The following CNTN5 variants were observed in gnomAD, a reference collection of about 807,000 sequenced individuals.
CNTN5 encodes the protein contactin 5.
Under a neutral mutation model 129.1 loss-of-function variants are expected in CNTN5, and 77 were observed. That is an observed-to-expected ratio of 0.60 (90% confidence interval 0.50 to 0.72). The LOEUF (loss-of-function observed/expected upper bound fraction) is 0.72. CNTN5 is among the 30% of genes least tolerant of loss of function. The pLI, the probability that CNTN5 is intolerant of heterozygous loss-of-function variation, is 0.00. For synonymous variants in CNTN5, 509 were observed against 465.6 expected (o/e 1.09, Z -1.20); for missense variants, 1,478 against 1,328.8 (o/e 1.11, Z -1.75).
At chr11:100,159,339 G>T (rs1947362163) in intron 13 of CNTN5, among the ~76,000 whole-genome samples, 1 of 151,732 alleles carries the variant, frequency 6.6e-6, no homozygotes, top group Admixed American at 6.6e-5. Flanking sequence ...CATTATTTCT[G>T]CACTCTTCTT....
chr11:99,765,716 T>C (rs889313494), intron 3 of CNTN5, among the ~76,000 whole-genome samples: 2 of 151,498 alleles, frequency 1.3e-5, no homozygotes, highest in Admixed American at 1.3e-4. Flanking sequence ...TAGAAGAGTC[T>C]ACACCTTTTT....
intron 1 of CNTN5, among the ~76,000 whole-genome samples, chr11:99,282,924 A>T (rs1003964406): frequency 6.6e-6 from 1 of 152,104 alleles, no homozygotes. Flanking sequence ...GACATCCCCA[A>T]TCAAATGGAA....
At chr11:99,848,463 T>C (rs1436006585) in intron 6 of CNTN5, among the ~76,000 whole-genome samples, 1 of 152,144 alleles carries the variant, frequency 6.6e-6, no homozygotes, top group Non-Finnish European at 1.5e-5. Context: ...TATTTCAAAA[T>C]TAATATATTT....
chr11:100,145,289 G>C (rs939589711), intron 13 of CNTN5, among the ~76,000 whole-genome samples: 7 of 152,188 alleles, frequency 4.6e-5, no homozygotes, highest in African/African-American at 1.7e-4. Context: ...GCATACAGCT[G>C]GTTTCTTCCA....
chr11:99,839,862 G>A (rs1182990954), intron 4 of CNTN5, among the ~76,000 whole-genome samples: 2 of 151,970 alleles, frequency 1.3e-5, no homozygotes, highest in Non-Finnish European at 2.9e-5. Flanking sequence ...TTTATGGAGA[G>A]AACTTTTTTT....
At chr11:99,848,252 C>T (rs1947764802) in intron 6 of CNTN5, among the ~76,000 whole-genome samples, 1 of 151,976 alleles carries the variant, frequency 6.6e-6, no homozygotes, top group African/African-American at 2.4e-5. Context: ...GGCAACTTTC[C>T]TTTACATTGA....
intron 1 of CNTN5, among the ~76,000 whole-genome samples, chr11:99,152,577 G>A (rs892531014): frequency 6.6e-6 from 1 of 152,152 alleles, no homozygotes; most frequent in South Asian, 2.1e-4. Context: ...GCATACCACT[G>A]AGTTTTACTA....
intron 19 of CNTN5, 54 bp downstream of exon 19, chr11:100,297,749 G>A (rs1041394461): frequency 2.3e-6 from 3 of 1,313,726 alleles, no homozygotes; most frequent in Non-Finnish European, 3.2e-6. Flanking sequence ...TTGGCTTAGT[G>A]TGATATTTAA....
chr11:100,109,085 A>T (rs1308482258), intron 13 of CNTN5, among the ~76,000 whole-genome samples: 1 of 152,108 alleles, frequency 6.6e-6, no homozygotes, highest in African/African-American at 2.4e-5. Flanking sequence ...AAGGAAAGCA[A>T]ACCATAAAAT....
chr11:99,632,020 A>G lies in CNTN5; in HGVS notation c.55+75751A>G, dbSNP rs149411316. Among the ~76,000 whole-genome samples, 121 of 152,274 alleles carry G rather than the reference A, an allele frequency of 7.9e-4. 1 individual carries two copies. The highest frequency in any genetic ancestry group is 2.9e-3 in the African/African-American group (120 of 41,570). On this transcript the variant is annotated intron_variant, in intron 3 of 24. Coordinates refer to ENST00000524871, the MANE Select transcript of CNTN5 (RefSeq NM_014361.4). ...TTAAACTTTATCATAGGAAGAACAT[A>G]TGTATAGGAAGAAACATAGTAATAT...
intron 9 of CNTN5, among the ~76,000 whole-genome samples, chr11:100,037,404 A>T (rs565468315): frequency 3.3e-5 from 5 of 152,124 alleles, no homozygotes; most frequent in African/African-American, 9.6e-5. Flanking sequence ...ATCAATGTTC[A>T]TCAAGGATAT....
chr11:99,822,113 GA>G (rs913992927), intron 4 of CNTN5, among the ~76,000 whole-genome samples: 3 of 152,124 alleles, frequency 2.0e-5, no homozygotes, highest in Admixed American at 1.3e-4. Flanking sequence ...TACGAAAAAT[GA>G]GAAAAGTAAC....
chr11:99,328,197 T>C (rs1180510044), intron 2 of CNTN5, among the ~76,000 whole-genome samples: 1 of 152,182 alleles, frequency 6.6e-6, no homozygotes, highest in Non-Finnish European at 1.5e-5. Context: ...AAATTAACAG[T>C]GCTACTACTT....
intron 2 of CNTN5, among the ~76,000 whole-genome samples, chr11:99,483,755 G>A (rs999849076): frequency 3.9e-5 from 6 of 152,078 alleles, no homozygotes; most frequent in Non-Finnish European, 8.8e-5. Context: ...TAGTATAGAA[G>A]CATAAAAGGT....
At chr11:99,957,105 AAAT>A (rs1424731168) in intron 8 of CNTN5, 96 bp downstream of exon 8, 1 of 1,069,002 alleles carries the variant, frequency 9.4e-7, no homozygotes, top group Non-Finnish European at 1.3e-6. Flanking sequence ...TGGAACTTAC[AAAT>A]AAAATAAAAA....
At chr11:99,157,162 G>A (rs1383368374) in intron 1 of CNTN5, among the ~76,000 whole-genome samples, 1 of 151,968 alleles carries the variant, frequency 6.6e-6, no homozygotes, top group Non-Finnish European at 1.5e-5. Flanking sequence ...AACAGACTTT[G>A]CCTATGTAAA....
chr11:99,287,699 A>C (rs533687269), intron 1 of CNTN5, among the ~76,000 whole-genome samples: 1 of 152,030 alleles, frequency 6.6e-6, no homozygotes, highest in African/African-American at 2.4e-5. Context: ...TCTGTTATGC[A>C]TACGATTAGG....
intron 2 of CNTN5, among the ~76,000 whole-genome samples, chr11:99,412,692 G>T (rs936674635): frequency 1.3e-5 from 2 of 152,076 alleles, no homozygotes; most frequent in East Asian, 3.8e-4. Context: ...TCCCGAGGTC[G>T]CCATGCCACA....
chr11:99,777,524 A>T (rs550704385), intron 3 of CNTN5, among the ~76,000 whole-genome samples: 1 of 151,872 alleles, frequency 6.6e-6, no homozygotes, highest in Non-Finnish European at 1.5e-5. Context: ...CTTTTCCACT[A>T]TAAAAACTAA....
Sources: gnomAD v4.1 joint callset for allele counts (sites outside exome capture counted in the v4.1 genomes callset) on GRCh38, gnomAD v4.1.1 for gene constraint, MANE v1.5 for transcripts, NCBI Gene and HGNC (gene_info 2026-07-23, HGNC 2026-07-21) for gene names.